The following NDUFC2 variants were observed in gnomAD, a reference collection of about 807,000 sequenced individuals.
The protein encoded by NDUFC2 is NADH:ubiquinone oxidoreductase subunit C2.
NDUFC2 carries 2 observed loss-of-function variants against 10.1 expected under a neutral mutation model. That is an observed-to-expected ratio of 0.20 (90% confidence interval 0.08 to 0.62). The LOEUF (loss-of-function observed/expected upper bound fraction) is 0.62. NDUFC2 is among the 20% of genes least tolerant of loss of function. The probability of loss-of-function intolerance (pLI) is 0.87; values close to 1 mark genes in which losing one functional copy is unlikely to be tolerated. For missense variants in NDUFC2, 156 were observed against 159.6 expected, an observed-to-expected ratio of 0.98 and a Z score of 0.12; for synonymous variants, 61 against 63.6, an observed-to-expected ratio of 0.96 and a Z score of 0.20.
At position 78,069,794 on chromosome 11, in the gene NDUFC2, G is replaced by A. The variant is rs1164868694; in HGVS notation, c.*193C>T. The A allele has an allele frequency of 7.6e-7, 1 of 1,314,066 alleles. No homozygotes were observed. The allele number at this position is 1,314,066 out of a possible 1,614,324, so 81.4% of individuals were successfully genotyped here. ...CTTAAAATCTTTCAGATGGGTGAAT[G>A]GAAACTGACCATTCTCTGATGATGA... On this transcript the variant is annotated 3_prime_UTR_variant, in exon 3 of 3. Coordinates refer to ENST00000281031, the MANE Select transcript of NDUFC2 (RefSeq NM_004549.6).
chr11:78,072,898 C>A (rs1859070440), intron 2 of NDUFC2, 100 bp downstream of exon 2: 3 of 1,479,354 alleles, frequency 2.0e-6, no homozygotes, highest in African/African-American at 2.8e-5. Context: ...TGGGAGTCAA[C>A]AGAATTTAGA....
rs1858838404 is a variant in NDUFC2 at position 78,068,462 on chromosome 11, T to C, written c.*1525A>G. 6.6e-6 allele frequency: 1 copy of C among 152,220 alleles called. No individual in the cohort carries two copies. Among genetic ancestry groups the C allele is most frequent in the African/African-American group, 2.4e-5 (1 of 41,456 alleles). 9.4% of individuals were successfully genotyped at this position (152,220 alleles called of 1,614,324 possible). ...ATCATTTGATTTTGCCCAGAAACCA[T>C]CTGCTTATATTTATAAGGCCACCTA... On this transcript the variant is annotated 3_prime_UTR_variant, in exon 3 of 3. Transcript: ENST00000281031.
Position 78,075,373 on chromosome 11 carries a change from AAAG to A in NDUFC2, c.167-2235_167-2233del, listed in dbSNP as rs527638786. Among the ~76,000 whole-genome samples, 172 of 152,300 alleles carry A rather than the reference AAAG, an allele frequency of 1.1e-3. 1 individual carries two copies. The highest frequency in any genetic ancestry group is 4.1e-3 in the African/African-American group (169 of 41,562). On this transcript the variant is annotated intron_variant, in intron 1 of 2. Transcript: ENST00000281031. ...AGAGGAATTTGAATGTTCCCAACAT[AAAG>A]AAGGGGTGAATGTTTGGGGTGATGG...
At chr11:78,071,954 G>A (rs1378615910) in intron 2 of NDUFC2, among the ~76,000 whole-genome samples, 1 of 152,218 alleles carries the variant, frequency 6.6e-6, no homozygotes, top group African/African-American at 2.4e-5. Flanking sequence ...TTATGCATAA[G>A]TAAGTGCCTG....
At chr11:78,073,384 T>G (rs1234283592) in intron 1 of NDUFC2, among the ~76,000 whole-genome samples, 1 of 151,902 alleles carries the variant, frequency 6.6e-6, no homozygotes, top group East Asian at 1.9e-4. Flanking sequence ...CTCAGCTACT[T>G]GGGAGGCTGA....
Position 78,073,079 on chromosome 11 carries a change from G to A in NDUFC2, c.229C>T (p.Arg77Cys), listed in dbSNP as rs1285764160. The change falls in exon 2 of 3, where the codon CGT becomes TGT. Residue 77 changes from arginine to cysteine, a missense_variant. Arg to Cys is a radical substitution (Grantham distance 180). Coordinates refer to ENST00000281031, the MANE Select transcript of NDUFC2 (RefSeq NM_004549.6). ...CTCACAGCATACAGGTAGTCTTCAC[G>A]TTTTACAAGATAATATCCAGCAAAA... ...FFFAGYYLVK[R>C]EDYLYAVRDR... The A allele has an allele frequency of 1.2e-6, 2 of 1,613,690 alleles. No homozygotes were observed. The highest frequency in any genetic ancestry group is 1.1e-5 in the South Asian group (1 of 91,062).
At chr11:78,079,269 G>C (rs1261196365) in intron 1 of NDUFC2, among the ~76,000 whole-genome samples, 1 of 152,178 alleles carries the variant, frequency 6.6e-6, no homozygotes, top group East Asian at 1.9e-4. Context: ...AGTGTGAGTA[G>C]TGCATGGCAT....
At chr11:78,078,728 C>CTTTTTTTTCTTTTTTT (rs1859358929) in intron 1 of NDUFC2, among the ~76,000 whole-genome samples, 1 of 61,642 alleles carries the variant, frequency 1.6e-5, no homozygotes, top group Non-Finnish European at 3.0e-5. Flanking sequence ...TCAGGATCCG[C>CTTTTTTTTCTTTTTTT]TTTTTTTTTT....
At chr11:78,079,541 C>A in intron 1 of NDUFC2, 38 bp downstream of exon 1, 1 of 1,545,006 alleles carries the variant, frequency 6.5e-7, no homozygotes, top group Non-Finnish European at 8.7e-7. Flanking sequence ...CCTACGACCC[C>A]TTCTCCTCCC....
chr11:78,078,728 C>CTTTTTTTTTTTTTTTT (rs71046953), intron 1 of NDUFC2, among the ~76,000 whole-genome samples: 11,622 of 60,714 alleles, frequency 0.19, 3,820 homozygotes, highest in Admixed American at 0.24. Context: ...TCAGGATCCG[C>CTTTTTTTTTTTTTTTT]TTTTTTTTTT....
At chr11:78,078,852 C>T (rs1370746690) in intron 1 of NDUFC2, among the ~76,000 whole-genome samples, 1 of 150,636 alleles carries the variant, frequency 6.6e-6, no homozygotes, top group Admixed American at 6.7e-5. Flanking sequence ...CAGCCTCCCT[C>T]AGCCTGGGAC....
chr11:78,073,225 C>G, intron 1 of NDUFC2, 84 bp from the exon 2 acceptor site: 1 of 1,596,500 alleles, frequency 6.3e-7, no homozygotes, highest in South Asian at 1.1e-5. Context: ...GACGCAGTGG[C>G]TCACACCTGT....
chr11:78,078,484 C>G (rs1208745200), intron 1 of NDUFC2, among the ~76,000 whole-genome samples: 2 of 152,142 alleles, frequency 1.3e-5, no homozygotes, highest in Non-Finnish European at 2.9e-5. Context: ...TCAAAGACCC[C>G]TCTTCCAAAG....
intron 2 of NDUFC2, among the ~76,000 whole-genome samples, chr11:78,070,763 C>G (rs1442963754): frequency 1.3e-5 from 2 of 152,228 alleles, no homozygotes; most frequent in African/African-American, 4.8e-5. Flanking sequence ...GAGAGGCCAA[C>G]AGCCAATGTG....
At chr11:78,078,783 T>C (rs1425949572) in intron 1 of NDUFC2, among the ~76,000 whole-genome samples, 31 of 138,318 alleles carry the variant, frequency 2.2e-4, no homozygotes, top group Non-Finnish European at 4.1e-4. Flanking sequence ...TGGAGTGCAA[T>C]GGTGCAATCT....
At chr11:78,071,344 C>T (rs1365205219) in intron 2 of NDUFC2, among the ~76,000 whole-genome samples, 1 of 147,306 alleles carries the variant, frequency 6.8e-6, no homozygotes, top group Non-Finnish European at 1.5e-5. Context: ...GGCACCTTGT[C>T]CTCCCAGGCT....
chr11:78,075,617 G>A (rs1859215834), intron 1 of NDUFC2, among the ~76,000 whole-genome samples: 2 of 152,100 alleles, frequency 1.3e-5, no homozygotes, highest in Admixed American at 1.3e-4. Flanking sequence ...ACAGAATCTT[G>A]CTCTGTCACT....
intron 1 of NDUFC2, among the ~76,000 whole-genome samples, chr11:78,074,490 G>A (rs61141394): frequency 0.39 from 58,597 of 151,642 alleles, 12,064 homozygotes; most frequent in Non-Finnish European, 0.45. Context: ...GCACGCACCT[G>A]TAGTCCCAGC....
Position 78,073,021 on chromosome 11 carries a change from T to C in NDUFC2, c.287A>G (p.His96Arg), listed in dbSNP as rs1350580070. The C allele has an allele frequency of 6.2e-7, 1 of 1,613,256 alleles. No individual in the cohort carries two copies. The highest frequency in any genetic ancestry group is 8.5e-7 in the Non-Finnish European group (1 of 1,179,870). ...DREMFGYMKLHPEDFPEEDKK... is the reference protein window; with the variant it reads ...DREMFGYMKLRPEDFPEEDKK... ...ACCTTCTTCAGGAAAATCCTCTGGA[T>C]GTAATTTCATATATCCAAACATTTC... Residue 96 changes from histidine (H) to arginine (R), a missense_variant, in exon 2 of 3, where the codon CAT (histidine) becomes CGT (arginine). Coordinates refer to ENST00000281031, the MANE Select transcript of NDUFC2 (RefSeq NM_004549.6).
Sources: gnomAD v4.1 joint callset for allele counts (sites outside exome capture counted in the v4.1 genomes callset) on GRCh38, gnomAD v4.1.1 for gene constraint, MANE v1.5 for transcripts, NCBI Gene and HGNC (gene_info 2026-07-23, HGNC 2026-07-21) for gene names.